The following SMTN variants were observed in gnomAD, a reference collection of about 807,000 sequenced individuals.
SMTN encodes the protein smoothelin.
A neutral mutation model predicts 102.0 loss-of-function variants in SMTN; 58 were observed. The ratio of observed to expected loss-of-function variants is 0.57; its 90% CI spans 0.46 to 0.71. The LOEUF (loss-of-function observed/expected upper bound fraction) is 0.71, where lower values mean the gene tolerates loss of function less well. Ranked by LOEUF, SMTN falls within the 30% of genes least tolerant of loss-of-function variation. The pLI is 0.00. For missense variants in SMTN, 1,185 were observed against 1,241.7 expected, an observed-to-expected ratio of 0.95 and a Z score of 0.69; for synonymous variants, 478 against 497.9, an observed-to-expected ratio of 0.96 and a Z score of 0.53.
intron 13 of SMTN, chr22:31,096,030 AC>A (rs2043556368): frequency 3.7e-6 from 1 of 269,850 alleles, no homozygotes; most frequent in African/African-American, 2.3e-5. Context: ...CCTGGACACA[AC>A]TACTTCCTCC....
chr22:31,086,257 G>C (rs1185582103), intron 2 of SMTN, among the ~76,000 whole-genome samples: 1 of 152,204 alleles, frequency 6.6e-6, no homozygotes, highest in Non-Finnish European at 1.5e-5. Context: ...GACCCCAGTA[G>C]CAGAGCTATC....
intron 19 of SMTN, 144 bp downstream of exon 19, chr22:31,100,040 C>A (rs574018077): frequency 1.8e-5 from 14 of 797,112 alleles, no homozygotes; most frequent in Non-Finnish European, 2.7e-5. Context: ...AGAGAGTCCC[C>A]GTCCTTCTCC....
At chr22:31,082,703 AGTG>A (rs2042390627) in intron 1 of SMTN, 1 of 651,242 alleles carries the variant, frequency 1.5e-6, no homozygotes, top group Non-Finnish European at 2.8e-6. Flanking sequence ...GGGGAATGAC[AGTG>A]GTGGTGGCAG....
upstream of SMTN, among the ~76,000 whole-genome samples, chr22:31,079,171 G>A (rs760649292): frequency 4.6e-5 from 7 of 152,220 alleles, no homozygotes; most frequent in Admixed American, 3.9e-4. Context: ...CAAATGCTGG[G>A]GCCCTCGTCA....
chr22:31,083,197 C>G lies in SMTN; in HGVS notation c.-62C>G, dbSNP rs1393526776. Reference sequence around the variant, plus strand: ...CCTGCAGAATTCTCTGAGCTGGTGACAGGTGCCACAGGCACTGGGGATCTC... The same window carrying G: ...CCTGCAGAATTCTCTGAGCTGGTGAGAGGTGCCACAGGCACTGGGGATCTC... On this transcript the variant is annotated 5_prime_UTR_variant, in exon 2 of 21. Transcript: ENST00000333137. The G allele has an allele frequency of 6.3e-7, 1 of 1,579,794 alleles. No homozygotes were observed. The highest frequency in any genetic ancestry group is 1.2e-5 in the South Asian group (1 of 86,002).
At chr22:31,081,138 TC>T (rs2042278449), upstream of SMTN, among the ~76,000 whole-genome samples, 2 of 149,454 alleles carry the variant, frequency 1.3e-5, no homozygotes, top group Admixed American at 1.3e-4. Context: ...ACCCCAAGAC[TC>T]CCAATTTCCG....
At chr22:31,089,159 C>T (rs542649005) in intron 6 of SMTN, among the ~76,000 whole-genome samples, 190 bp downstream of exon 6, 1 of 152,202 alleles carries the variant, frequency 6.6e-6, no homozygotes, top group Non-Finnish European at 1.5e-5. Context: ...TGCTTCAACC[C>T]GTCCCAGGGC....
At chr22:31,066,366 T>C (rs1299018354) in intron 1 of SMTN, 4 of 152,086 alleles carry the variant, frequency 2.6e-5, no homozygotes, top group African/African-American at 9.7e-5. Flanking sequence ...TGGAGTACAG[T>C]TGCACGATCT....
At chr22:31,079,698 G>A (rs755348514), upstream of SMTN, among the ~76,000 whole-genome samples, 17 of 152,238 alleles carry the variant, frequency 1.1e-4, no homozygotes, top group Admixed American at 7.9e-4. Context: ...TATGTCCTCC[G>A]AAGTGAGCTC....
chr22:31,087,618 C>T (rs1569245035), intron 2 of SMTN, among the ~76,000 whole-genome samples: 1 of 152,238 alleles, frequency 6.6e-6, no homozygotes, highest in African/African-American at 2.4e-5. Flanking sequence ...CCCTCCTCCT[C>T]CTACAATAGC....
chr22:31,093,758 C>T, intron 11 of SMTN: 2 of 1,568,806 alleles, frequency 1.3e-6, no homozygotes, highest in Non-Finnish European at 8.7e-7. Flanking sequence ...CTCCTGGCTG[C>T]CGCCGACCCC....
upstream of SMTN, among the ~76,000 whole-genome samples, chr22:31,076,752 G>T (rs955938778): frequency 2.0e-4 from 31 of 152,168 alleles, no homozygotes; most frequent in African/African-American, 7.0e-4. Context: ...GAACCATAAG[G>T]TGGGTATCTA....
intron 11 of SMTN, among the ~76,000 whole-genome samples, chr22:31,092,891 A>G (rs747065526): frequency 1.3e-5 from 2 of 152,206 alleles, no homozygotes; most frequent in Admixed American, 6.5e-5. Flanking sequence ...GAGGGCATTT[A>G]TGTAAGACCA....
At chr22:31,068,520 T>C (rs1168800680) in intron 1 of SMTN, among the ~76,000 whole-genome samples, 1 of 152,146 alleles carries the variant, frequency 6.6e-6, no homozygotes, top group Non-Finnish European at 1.5e-5. Flanking sequence ...AATTAGGTAG[T>C]TATTAATTGC....
chr22:31,104,303 C>G lies in SMTN; in HGVS notation c.*21-13C>G, dbSNP rs201128912. ...CTGGCGCTGACATCCAACCCCGTGC[C>G]CCCTCCCTGCAGGATGCTGGTGGAC... is the stretch of plus-strand genomic sequence containing the variant. On this transcript the variant is annotated splice_polypyrimidine_tract_variant and intron_variant, in intron 20 of 20. Coordinates refer to ENST00000333137, the MANE Select transcript of SMTN (RefSeq NM_134269.3). 6.2e-7 allele frequency: 1 copy of G among 1,613,540 alleles called. No individual in the cohort carries two copies. Among genetic ancestry groups the G allele is most frequent in the African/African-American group, 1.3e-5 (1 of 75,062 alleles).
In SMTN at chr22:31,100,901, C is replaced by A. The variant is rs769230237; in HGVS notation, c.2620C>A (p.Pro874Thr). ...FSSAETHADC[P>T]QLLDTEDMVR... ...CCTCCCCAGGACCCATGCGGACTGC[C>A]CGCAGCTCCTGGATACAGAGGACAT... Residue 874 changes from proline (P) to threonine (T), a missense_variant, in exon 20 of 21, where the codon CCG becomes ACG. This residue lies in a region of SMTN where 89 missense variants were observed against 128.9 expected (regional missense o/e 0.69). Transcript: ENST00000333137. 1.2e-6 allele frequency: 2 copies of A among 1,606,322 alleles called. No individual in the cohort carries two copies. The highest frequency in any genetic ancestry group is 2.2e-5 in the South Asian group (2 of 90,070).
chr22:31,074,856 T>C (rs5994370), intron 1 of SMTN, among the ~76,000 whole-genome samples: 17,997 of 151,644 alleles, frequency 0.12, 1,142 homozygotes, highest in African/African-American at 0.14. Context: ...AAGAGAGGAG[T>C]CCTAACGTTG....
chr22:31,095,696 C>G lies in SMTN; in HGVS notation c.1861+87C>G. ...ACTCTGGGGTCCATTTGTGGACACC[C>G]CAGCTTAATAACTGCCCTACCCAGC... On this transcript the variant is annotated intron_variant, in intron 13 of 20. Transcript: ENST00000333137. This position sits in a 1 kb window ranked among gnomAD's most constrained non-coding sequence, Gnocchi z 4.1. 1 of 1,202,266 alleles carries G rather than the reference C, an allele frequency of 8.3e-7. No individual in the cohort carries two copies. Among genetic ancestry groups the G allele is most frequent in the Non-Finnish European group, 1.2e-6 (1 of 845,094 alleles). 74.5% of individuals were successfully genotyped at this position (1,202,266 alleles called of 1,614,324 possible). A position where few individuals can be genotyped will look rare whatever the true frequency, so the allele number is the denominator to read the frequency against.
Position 31,090,901 on chromosome 22 carries a change from C to G in SMTN, c.937+22C>G, listed in dbSNP as rs199531846. On this transcript the variant is annotated intron_variant, in intron 9 of 20. Coordinates refer to ENST00000333137, the MANE Select transcript of SMTN (RefSeq NM_134269.3). ...CGAGGTACTACCTATTCTCACCCTGCCTAGGATCTGTGCAGACCCTGTCCC... is the reference window on the plus strand; with the variant it reads ...CGAGGTACTACCTATTCTCACCCTGGCTAGGATCTGTGCAGACCCTGTCCC... 199 of 1,613,638 alleles carry G rather than the reference C, an allele frequency of 1.2e-4. 1 individual carries two copies. The African/African-American group carries it at 2.0e-3, about 16-fold the overall frequency.
Sources: gnomAD v4.1 joint callset for allele counts (sites outside exome capture counted in the v4.1 genomes callset) on GRCh38, gnomAD v4.1.1 for gene constraint, gnomAD v4.1.1 regional missense constraint, Gnocchi (gnomAD v3.1) non-coding constraint, MANE v1.5 for transcripts, NCBI Gene and HGNC (gene_info 2026-07-23, HGNC 2026-07-21) for gene names.